Variants in KPNA6 observed in about 807,000 individuals in gnomAD.
The protein encoded by KPNA6 is karyopherin subunit alpha 6, also known as importin subunit alpha-7.
KPNA6 carries 9 observed loss-of-function variants against 72.0 expected under a neutral mutation model. That is an observed-to-expected ratio of 0.13 (90% CI 0.08 to 0.22). KPNA6 has a LOEUF of 0.22. Ranked by LOEUF, KPNA6 falls within the 10% of genes least tolerant of loss-of-function variation. The pLI is 1.00. For synonymous variants in KPNA6, 219 were observed against 242.1 expected (o/e 0.90, Z 0.89); for missense variants, 374 against 655.7 (o/e 0.57, Z 4.69).
intron 1 of KPNA6, 124 bp downstream of exon 1, chr1:32,108,258 A>C (rs1012651251): frequency 7.1e-7 from 1 of 1,411,908 alleles, no homozygotes; most frequent in Non-Finnish European, 9.9e-7. Flanking sequence ...GTCTGAGGGG[A>C]AAAGTCAGGC....
At chr1:32,120,344 A>C (rs1400755219) in intron 1 of KPNA6, among the ~76,000 whole-genome samples, 5 of 148,396 alleles carry the variant, frequency 3.4e-5, no homozygotes, top group Non-Finnish European at 7.4e-5. Flanking sequence ...TCCTTGGTTC[A>C]AGCGATTCTC....
intron 1 of KPNA6, among the ~76,000 whole-genome samples, chr1:32,139,277 C>G (rs1247555066): frequency 6.6e-6 from 1 of 152,038 alleles, no homozygotes; most frequent in Non-Finnish European, 1.5e-5. Flanking sequence ...AACAGGTGTT[C>G]TGACAAAAAT....
At chr1:32,148,934 C>T (rs1369946726) in intron 1 of KPNA6, among the ~76,000 whole-genome samples, 1 of 152,014 alleles carries the variant, frequency 6.6e-6, no homozygotes, top group East Asian at 1.9e-4. Flanking sequence ...CTCAAGCTGT[C>T]CTCCTGCCTC....
At chr1:32,128,455 A>T (rs1203738192) in intron 1 of KPNA6, among the ~76,000 whole-genome samples, 3 of 133,440 alleles carry the variant, frequency 2.2e-5, no homozygotes, top group East Asian at 4.3e-4. Context: ...ATATATACAC[A>T]TTTTTTTTTT....
intron 1 of KPNA6, among the ~76,000 whole-genome samples, chr1:32,138,660 T>C (rs891698080): frequency 9.9e-5 from 15 of 151,756 alleles, no homozygotes; most frequent in Admixed American, 5.3e-4. Flanking sequence ...CACACTGACA[T>C]TGAGAGGTTG....
chr1:32,123,960 G>C (rs1193097439), intron 1 of KPNA6, among the ~76,000 whole-genome samples: 3 of 150,308 alleles, frequency 2.0e-5, no homozygotes, highest in African/African-American at 7.4e-5. Flanking sequence ...CTTGAACCTG[G>C]GAGGTGGAGG....
intron 6 of KPNA6, 33 bp downstream of exon 6, chr1:32,159,564 T>G: frequency 6.3e-7 from 1 of 1,599,680 alleles, no homozygotes; most frequent in Non-Finnish European, 8.5e-7. Context: ...TTCTTTATAG[T>G]ACCTGTGGTA....
At chr1:32,147,480 T>C (rs890440705) in intron 1 of KPNA6, among the ~76,000 whole-genome samples, 1 of 151,882 alleles carries the variant, frequency 6.6e-6, no homozygotes, top group South Asian at 2.1e-4. Flanking sequence ...AAATTATTTG[T>C]AGAGACAGGG....
intron 1 of KPNA6, among the ~76,000 whole-genome samples, chr1:32,133,569 T>C (rs1331200216): frequency 6.7e-6 from 1 of 148,482 alleles, no homozygotes; most frequent in Non-Finnish European, 1.5e-5. Flanking sequence ...CATGGGCCTG[T>C]GGTCCCAGCT....
intron 1 of KPNA6, among the ~76,000 whole-genome samples, chr1:32,136,667 C>T (rs1419599315): frequency 6.6e-6 from 1 of 152,170 alleles, no homozygotes; most frequent in East Asian, 1.9e-4. Context: ...AACAATGATT[C>T]AGAGTATCAG....
intron 1 of KPNA6, among the ~76,000 whole-genome samples, chr1:32,151,690 T>G (rs1246630575): frequency 3.3e-5 from 5 of 152,188 alleles, no homozygotes; most frequent in Admixed American, 2.6e-4. Flanking sequence ...TTAATTCGTT[T>G]CCCTCTTGGA....
chr1:32,119,026 A>AT (rs1221375496), intron 1 of KPNA6, among the ~76,000 whole-genome samples: 22 of 69,382 alleles, frequency 3.2e-4, no homozygotes, highest in East Asian at 4.5e-4. Flanking sequence ...ATATATATAT[A>AT]TATATATTTT....
chr1:32,116,966 C>T (rs768037900), intron 1 of KPNA6, among the ~76,000 whole-genome samples: 3 of 152,106 alleles, frequency 2.0e-5, no homozygotes, highest in Non-Finnish European at 4.4e-5. Context: ...TCTTATATGA[C>T]CATGGCTCAT....
intron 1 of KPNA6, among the ~76,000 whole-genome samples, chr1:32,123,379 T>C (rs1038339970): frequency 2.0e-5 from 3 of 152,154 alleles, no homozygotes; most frequent in Non-Finnish European, 4.4e-5. Context: ...TCTTTTTATG[T>C]ACCATGTCTG....
intron 1 of KPNA6, among the ~76,000 whole-genome samples, chr1:32,126,895 A>G (rs1251590500): frequency 6.6e-6 from 1 of 152,058 alleles, no homozygotes; most frequent in Non-Finnish European, 1.5e-5. Context: ...AAAAGGAAAA[A>G]CCACCTGTTC....
chr1:32,128,779 A>G (rs779120693), intron 1 of KPNA6, among the ~76,000 whole-genome samples: 1 of 152,070 alleles, frequency 6.6e-6, no homozygotes, highest in African/African-American at 2.4e-5. Flanking sequence ...CTCGTTTGCA[A>G]CATTTCCTGG....
chr1:32,136,166 A>G (rs1641731703), intron 1 of KPNA6, among the ~76,000 whole-genome samples: 1 of 144,776 alleles, frequency 6.9e-6, no homozygotes, highest in African/African-American at 2.6e-5. Context: ...TAAAATCCAC[A>G]TTTCTAGCTT....
At chr1:32,128,506 G>C (rs1421571231) in intron 1 of KPNA6, among the ~76,000 whole-genome samples, 2 of 147,192 alleles carry the variant, frequency 1.4e-5, no homozygotes, top group East Asian at 4.0e-4. Flanking sequence ...ATGTGTACAG[G>C]AGATAGTTTT....
At chr1:32,127,770 C>T (rs2124532111) in intron 1 of KPNA6, among the ~76,000 whole-genome samples, 1 of 152,272 alleles carries the variant, frequency 6.6e-6, no homozygotes, top group East Asian at 1.9e-4. Flanking sequence ...ACCATCTAGC[C>T]TTCAAAGACC....
Sources: gnomAD v4.1 joint callset for allele counts (sites outside exome capture counted in the v4.1 genomes callset) on GRCh38, gnomAD v4.1.1 for gene constraint, MANE v1.5 for transcripts, NCBI Gene and HGNC (gene_info 2026-07-23, HGNC 2026-07-21) for gene names.